VCAN: variants seen among roughly 807,000 people sequenced by gnomAD.
The protein encoded by VCAN is versican.
In VCAN, 44 loss-of-function variants were observed where a neutral mutation model predicts 245.5. That is an observed-to-expected ratio of 0.18 (90% CI 0.14 to 0.23). VCAN has a LOEUF of 0.23. Ranked by LOEUF, VCAN falls within the 10% of genes least tolerant of loss-of-function variation. The pLI, the probability that VCAN is intolerant of heterozygous loss-of-function variation, is 1.00. For synonymous variants in VCAN, 1,413 were observed against 1,437.0 expected (o/e 0.98, Z 0.38); for missense variants, 3,793 against 4,057.9 (o/e 0.93, Z 1.77).
In VCAN at chr5:83,541,639, C is replaced by A. The variant is rs751856883; in HGVS notation, c.8636C>A (p.Ser2879Ter). ...HVNIEATFKPSSEEYLHITEP... is the reference protein window; with the variant it reads ...HVNIEATFKP ...AATATTGAAGCGACTTTCAAACCAT[C>A]AAGTGAGGAATACCTTCACATAACT... The change falls in exon 8 of 15, where the codon TCA becomes TAA. Residue 2879 changes from serine to a stop codon, truncating the protein, a stop_gained. Transcript: ENST00000265077. LOFTEE classifies it high-confidence loss of function. 6.2e-7 allele frequency: 1 copy of A among 1,613,726 alleles called. No individual in the cohort carries two copies. The highest frequency in any genetic ancestry group is 1.3e-5 in the African/African-American group (1 of 74,874).
intron 5 of VCAN, among the ~76,000 whole-genome samples, chr5:83,504,218 T>C (rs1034146776): frequency 2.6e-5 from 4 of 152,194 alleles, no homozygotes; most frequent in African/African-American, 7.2e-5. Context: ...AACAGGAATA[T>C]GTCAAAGCTA....
At chr5:83,530,493 G>A (rs573655110) in intron 7 of VCAN, among the ~76,000 whole-genome samples, 37 of 152,234 alleles carry the variant, frequency 2.4e-4, no homozygotes, top group African/African-American at 8.7e-4. Context: ...TAGCTAAGGG[G>A]AGAGACATGC....
At chr5:83,492,247 G>C (rs1351192812) in intron 3 of VCAN, among the ~76,000 whole-genome samples, 1 of 152,120 alleles carries the variant, frequency 6.6e-6, no homozygotes, top group Non-Finnish European at 1.5e-5. Flanking sequence ...GAACACATGG[G>C]AGACAGTCTT....
rs1357394432 is a variant in VCAN at position 83,540,591 on chromosome 5, T to C, written c.7588T>C (p.Ser2530Pro). The change falls in exon 8 of 15, where the codon TCC becomes CCC. Residue 2530 changes from serine (S) to proline (P), a missense_variant. Transcript: ENST00000265077. ...FQDRFREFED[S>P]TLKPNRKKPT... ...AGACCGTTTCAGGGAATTCGAGGAT[T>C]CCACCTTAAAACCTAACAGAAAAAA... 2 of 1,613,920 alleles carry C rather than the reference T, an allele frequency of 1.2e-6. No individual in the cohort carries two copies. The highest frequency in any genetic ancestry group is 1.7e-5 in the Admixed American group (1 of 59,982).
chr5:83,512,043 C>T lies in VCAN; in HGVS notation c.749-60C>T, dbSNP rs148308008. The T allele has an allele frequency of 1.2e-4, 193 of 1,604,596 alleles. 1 individual carries two copies. In the African/African-American group the frequency reaches 2.3e-3, roughly 19 times the overall value. On this transcript the variant is annotated intron_variant, in intron 5 of 14. Coordinates refer to ENST00000265077, the MANE Select transcript of VCAN (RefSeq NM_004385.5). ...CCAATTCCTTCCCCACCATATTTAT[C>T]CAACAGGAAAGGAATGAATAATAAA...
intron 9 of VCAN, among the ~76,000 whole-genome samples, chr5:83,547,634 A>G (rs1747284289): frequency 6.6e-6 from 1 of 152,090 alleles, no homozygotes; most frequent in Admixed American, 6.6e-5. Flanking sequence ...TTGATTCTTC[A>G]TTCGTTTTAG....
rs1318682187 is a variant in VCAN at position 83,537,878 on chromosome 5, A to C, written c.4875A>C (p.Arg1625Ser). The C allele has an allele frequency of 1.2e-6, 2 of 1,613,910 alleles. No homozygotes were observed. The highest frequency in any genetic ancestry group is 1.7e-6 in the Non-Finnish European group (2 of 1,179,976). The change falls in exon 8 of 15, where the codon AGA becomes AGC. Residue 1625 changes from arginine (R) to serine (S), a missense_variant. By Grantham distance (110) the Arg-to-Ser change is moderately radical (BLOSUM62 -1). Around this residue, in one of 5 missense-constraint regions of VCAN, gnomAD observed 3,182 missense variants for 3,250.3 expected, o/e 0.98. Transcript: ENST00000265077. The part of the protein sequence containing the change: ...TKESWVEATP[R>S]QVVELSGSSS... ...AAAGCTGGGTAGAAGCAACTCCTAG[A>C]CAAGTTGTAGAGCTCTCAGGGAGTT... is the stretch of plus-strand genomic sequence containing the variant.
At chr5:83,550,748 G>A (rs1226521287) in intron 10 of VCAN, among the ~76,000 whole-genome samples, 1 of 151,986 alleles carries the variant, frequency 6.6e-6, no homozygotes, top group Non-Finnish European at 1.5e-5. Context: ...TTAGCCGGGT[G>A]TGGTGGCGGG....
At chr5:83,556,063 G>C (rs1304640067) in intron 12 of VCAN, among the ~76,000 whole-genome samples, 1 of 152,112 alleles carries the variant, frequency 6.6e-6, no homozygotes, top group Non-Finnish European at 1.5e-5. Flanking sequence ...CTCTGCTTTT[G>C]GAAGTTCTGC....
chr5:83,480,263 G>A (rs1744565889), intron 1 of VCAN, among the ~76,000 whole-genome samples: 1 of 152,112 alleles, frequency 6.6e-6, no homozygotes. Flanking sequence ...TGTAGATGGA[G>A]GACCATTCTC....
At chr5:83,561,335 C>T (rs1747858653) in intron 12 of VCAN, among the ~76,000 whole-genome samples, 1 of 151,954 alleles carries the variant, frequency 6.6e-6, no homozygotes, top group Non-Finnish European at 1.5e-5. Context: ...CTAGCTCTAA[C>T]CAACTCATCT....
At chr5:83,558,664 C>A (rs1020844348) in intron 12 of VCAN, among the ~76,000 whole-genome samples, 4 of 152,068 alleles carry the variant, frequency 2.6e-5, no homozygotes, top group Non-Finnish European at 4.4e-5. Flanking sequence ...TAATGTTATG[C>A]TATACAGCTA....
At position 83,542,144 on chromosome 5, in the gene VCAN, C is replaced by T. The variant is rs1269959471; in HGVS notation, c.9141C>T (p.Asn3047=). 6.2e-7 allele frequency: 1 copy of T among 1,613,946 alleles called. No individual in the cohort carries two copies. The highest frequency in any genetic ancestry group is 8.5e-7 in the Non-Finnish European group (1 of 1,179,984). The change falls in exon 8 of 15, where the codon AAC becomes AAT. Residue 3047 remains asparagine, a synonymous_variant. Transcript: ENST00000265077. ...ILDSNDQATV[N]PVEFNTEVAT... Reference sequence around the variant, plus strand: ...ATTCCAATGATCAGGCAACAGTAAACCCTGTGGAATTTAATACTGAGGTTG... The same window carrying T: ...ATTCCAATGATCAGGCAACAGTAAATCCTGTGGAATTTAATACTGAGGTTG...
At chr5:83,492,089 A>G (rs1745003122) in intron 3 of VCAN, among the ~76,000 whole-genome samples, 1 of 152,068 alleles carries the variant, frequency 6.6e-6, no homozygotes, top group African/African-American at 2.4e-5. Context: ...AATGAATGCC[A>G]GTTGTCATTG....
At chr5:83,477,894 A>G (rs1315402561) in intron 1 of VCAN, among the ~76,000 whole-genome samples, 1 of 152,006 alleles carries the variant, frequency 6.6e-6, no homozygotes, top group Non-Finnish European at 1.5e-5. Context: ...AACACCAATG[A>G]TATGCTACAC....
chr5:83,550,325 G>A (rs539513723), intron 10 of VCAN, among the ~76,000 whole-genome samples: 2 of 152,304 alleles, frequency 1.3e-5, no homozygotes, highest in East Asian at 3.9e-4. Context: ...GTAACCCATT[G>A]AAACAACCTA....
At chr5:83,536,799 T>C in intron 7 of VCAN, 2 of 475,944 alleles carry the variant, frequency 4.2e-6, no homozygotes, top group Non-Finnish European at 3.7e-6. Context: ...GTTTTAATAA[T>C]GTTAAATTGA....
intron 6 of VCAN, among the ~76,000 whole-genome samples, chr5:83,514,646 A>G (rs1013628741): frequency 9.9e-5 from 15 of 151,918 alleles, no homozygotes; most frequent in Non-Finnish European, 4.4e-5. Flanking sequence ...TTTAGTAGAG[A>G]TGGGGTTTCA....
rs1343211305 is a variant in VCAN, at chr5:83,540,099, G to A, written c.7096G>A (p.Ala2366Thr). ...GHPQNQTVRW[A>T]EEIQTSRPQT... Reference sequence around the variant, plus strand: ...TCCTCAAAATCAGACTGTCAGGTGGGCAGAAGAAATCCAGACTAGTAGACC... The same window carrying A: ...TCCTCAAAATCAGACTGTCAGGTGGACAGAAGAAATCCAGACTAGTAGACC... Residue 2366 changes from alanine (A) to threonine (T), a missense_variant, in exon 8 of 15, where the codon GCA becomes ACA. By Grantham distance (58) the Ala-to-Thr change is moderately conservative. Transcript: ENST00000265077. 4 of 1,613,872 alleles carry A rather than the reference G, an allele frequency of 2.5e-6. No individual in the cohort carries two copies. Among genetic ancestry groups the A allele is most frequent in the Non-Finnish European group, 2.5e-6 (3 of 1,179,996 alleles).
Sources: allele counts gnomAD v4.1 joint callset (sites outside exome capture counted in the v4.1 genomes callset), GRCh38; gene constraint gnomAD v4.1.1; regional missense constraint gnomAD v4.1.1; transcripts MANE v1.5; gene names NCBI Gene and HGNC (gene_info 2026-07-23, HGNC 2026-07-21).